The following HSDL1 variants were observed in gnomAD, a reference collection of about 807,000 sequenced individuals.
HSDL1 encodes the protein inactive hydroxysteroid dehydrogenase-like protein 1.
In HSDL1, 29 loss-of-function variants were observed where a neutral mutation model predicts 31.5. The observed-to-expected ratio is 0.92, with a 90% CI of 0.69 to 1.26. The LOEUF (loss-of-function observed/expected upper bound fraction) is 1.26. HSDL1 is among the 50% of genes most tolerant of loss of function. The probability of loss-of-function intolerance (pLI) is 0.00; values close to 1 mark genes in which losing one functional copy is unlikely to be tolerated. For synonymous variants in HSDL1, 222 were observed against 155.2 expected (o/e 1.43, Z -3.20); for missense variants, 503 against 416.6 (o/e 1.21, Z -1.81).
intron 2 of HSDL1, among the ~76,000 whole-genome samples, chr16:84,135,048 A>C (rs2086699945): frequency 6.6e-6 from 1 of 152,180 alleles, no homozygotes; most frequent in African/African-American, 2.4e-5. Flanking sequence ...CCTGGCCAAC[A>C]GGGTGAAACC....
intron 1 of HSDL1, among the ~76,000 whole-genome samples, chr16:84,143,413 A>G (rs1460069317): frequency 2.0e-5 from 3 of 152,162 alleles, no homozygotes; most frequent in African/African-American, 7.2e-5. Flanking sequence ...ATCCATAGAG[A>G]CAGAAGATAA....
At position 84,131,278 on chromosome 16, in the gene HSDL1, G is replaced by C. The variant is rs760386134; in HGVS notation, c.44C>G (p.Ala15Gly). 3.1e-6 allele frequency: 5 copies of C among 1,614,158 alleles called. No homozygotes were observed. Among genetic ancestry groups the C allele is most frequent in the South Asian group, 2.2e-5 (2 of 91,086 alleles). Residue 15 changes from alanine (A) to glycine (G), a missense_variant, in exon 3 of 6, where the codon GCC (alanine) becomes GGC (glycine). Transcript: ENST00000219439. ...DSFYLLYREI[A>G]RSCNCYMEAL... The stretch of plus-strand genomic sequence containing the variant: ...TTCCATATAGCAATTGCAAGACCTG[G>C]CGATTTCCCTGTACAAGAGGTAGAA...
At chr16:84,129,852 A>G (rs971165518) in intron 4 of HSDL1, 77 bp from the exon 5 acceptor site, 1 of 1,444,094 alleles carries the variant, frequency 6.9e-7, no homozygotes, top group African/African-American at 1.4e-5. Flanking sequence ...AGACTTGCTT[A>G]TTATCAATTC....
At chr16:84,144,894 T>C (rs1382026204) in intron 1 of HSDL1, among the ~76,000 whole-genome samples, 186 bp downstream of exon 1, 1 of 151,044 alleles carries the variant, frequency 6.6e-6, no homozygotes, top group African/African-American at 2.4e-5. Flanking sequence ...GGGACGAAGA[T>C]TTCCTGGGGT....
Position 84,130,880 on chromosome 16 carries a change from G to C in HSDL1, c.220+222C>G, listed in dbSNP as rs956463556. On this transcript the variant is annotated intron_variant, in intron 3 of 5. Transcript: ENST00000219439. The stretch of plus-strand genomic sequence containing the variant: ...GGAAGTGGGTCTGGAGGAGGACTGG[G>C]AACAGGAGAGAGCAGAATAGGAAGG... 3 of 535,592 alleles carry C rather than the reference G, an allele frequency of 5.6e-6. No homozygotes were observed. The East Asian group carries it at 9.1e-5, about 16-fold the overall frequency. 33.2% of individuals were successfully genotyped at this position (535,592 alleles called of 1,614,324 possible).
intron 3 of HSDL1, 125 bp from the exon 4 acceptor site, chr16:84,130,556 G>T: frequency 1.4e-6 from 1 of 725,756 alleles, no homozygotes; most frequent in South Asian, 1.8e-5. Flanking sequence ...GTCGGTTCTA[G>T]TATCTACAAG....
At chr16:84,128,698 C>T (rs2086632424) in intron 5 of HSDL1, among the ~76,000 whole-genome samples, 2 of 151,736 alleles carry the variant, frequency 1.3e-5, no homozygotes, top group Admixed American at 6.6e-5. Flanking sequence ...CATCCACTTA[C>T]AGCAGCATAT....
intron 2 of HSDL1, among the ~76,000 whole-genome samples, chr16:84,134,079 G>C (rs574208777): frequency 1.8e-4 from 27 of 151,916 alleles, no homozygotes; most frequent in Middle Eastern, 3.4e-3. Context: ...CAAATCCTTT[G>C]ATTGACAATC....
intron 5 of HSDL1, among the ~76,000 whole-genome samples, chr16:84,129,034 G>A (rs1402000489): frequency 6.6e-6 from 1 of 152,056 alleles, no homozygotes; most frequent in Non-Finnish European, 1.5e-5. Flanking sequence ...ACTTTAAGGT[G>A]CCACATAGAT....
chr16:84,135,035 C>A (rs2086699850), intron 2 of HSDL1, among the ~76,000 whole-genome samples: 1 of 152,116 alleles, frequency 6.6e-6, no homozygotes, highest in African/African-American at 2.4e-5. Context: ...AGATCAAAAC[C>A]ATCCTGGCCA....
rs377039417 is a variant in HSDL1, at chr16:84,130,087, A to G, written c.565T>C (p.Leu189=). The change falls in exon 4 of 6, where the codon TTA becomes CTA. Residue 189 remains leucine (L), a synonymous_variant. Coordinates refer to ENST00000219439, the MANE Select transcript of HSDL1 (RefSeq NM_031463.5). ...TTCTTTCTCTCCACCATTCCCGGTA[A>G]CACAACATGGACCATCAAACTAGCG... ...AAASLMVHVV[L]PGMVERKKGA... is the part of the protein sequence containing the mutation. The G allele has an allele frequency of 2.2e-5, 36 of 1,614,072 alleles. 1 individual carries two copies. Among genetic ancestry groups the G allele is most frequent in the Middle Eastern group, 3.3e-4 (2 of 6,082 alleles).
intron 1 of HSDL1, among the ~76,000 whole-genome samples, chr16:84,140,469 T>A (rs982639881): frequency 6.6e-6 from 1 of 152,088 alleles, no homozygotes; most frequent in Non-Finnish European, 1.5e-5. Context: ...TTCATCATGG[T>A]GGTCAGGCTG....
Position 84,131,105 on chromosome 16 carries a change from T to G in HSDL1, c.217A>C (p.Ser73Arg), listed in dbSNP as rs1261024579. The change falls in exon 3 of 6, where the codon AGC becomes CGC. Residue 73 changes from serine (S) to arginine (R), a missense_variant. By Grantham distance (110) the Ser-to-Arg change is moderately radical. Transcript: ENST00000219439. ...IKQYGRWAVV[S>R]GATDGIGKAY... is the part of the protein sequence containing the mutation. The stretch of plus-strand genomic sequence containing the variant: ...TTTTGATTATAAAGTAGGTTACCGC[T>G]GACAACGGCCCATCTTCCATACTGC... 1 of 1,605,266 alleles carries G rather than the reference T, an allele frequency of 6.2e-7. No homozygotes were observed. The highest frequency in any genetic ancestry group is 8.5e-7 in the Non-Finnish European group (1 of 1,172,940).
At chr16:84,132,074 C>A (rs1170510026) in intron 2 of HSDL1, among the ~76,000 whole-genome samples, 1 of 152,208 alleles carries the variant, frequency 6.6e-6, no homozygotes, top group Non-Finnish European at 1.5e-5. Context: ...CCAGAAGTTA[C>A]CAAATTCCCA....
At chr16:84,140,552 A>G (rs527557453) in intron 1 of HSDL1, among the ~76,000 whole-genome samples, 36 of 152,178 alleles carry the variant, frequency 2.4e-4, no homozygotes, top group Middle Eastern at 3.4e-3. Flanking sequence ...GGCGTGAGCC[A>G]CTGCACCTGG....
chr16:84,132,197 T>A (rs910764401), intron 2 of HSDL1, among the ~76,000 whole-genome samples: 5 of 152,188 alleles, frequency 3.3e-5, no homozygotes. Flanking sequence ...TTCTAATTCA[T>A]ACAGCAGAGG....
intron 2 of HSDL1, among the ~76,000 whole-genome samples, chr16:84,132,509 G>C (rs569116115): frequency 8.3e-4 from 127 of 152,260 alleles, no homozygotes; most frequent in Middle Eastern, 3.4e-3. Context: ...TACATTTGAG[G>C]AAAGAAAAGT....
At chr16:84,132,149 G>C (rs561495294) in intron 2 of HSDL1, among the ~76,000 whole-genome samples, 1 of 152,354 alleles carries the variant, frequency 6.6e-6, no homozygotes, top group South Asian at 2.1e-4. Context: ...CTCTGTGCCT[G>C]TAACATGCTC....
intron 2 of HSDL1, among the ~76,000 whole-genome samples, chr16:84,133,771 G>C (rs997036257): frequency 1.3e-5 from 2 of 152,120 alleles, no homozygotes; most frequent in African/African-American, 4.8e-5. Context: ...GAAAAGTTGG[G>C]CCCCTTTATT....
Sources: allele counts gnomAD v4.1 joint callset (sites outside exome capture counted in the v4.1 genomes callset), GRCh38; gene constraint gnomAD v4.1.1; transcripts MANE v1.5; gene names NCBI Gene and HGNC (gene_info 2026-07-23, HGNC 2026-07-21).